The following DHRSX variants were observed in gnomAD, a reference collection of about 807,000 sequenced individuals.
The protein encoded by DHRSX is dehydrogenase/reductase X-linked.
In DHRSX, 31 loss-of-function variants were observed where a neutral mutation model predicts 34.0. The observed-to-expected ratio is 0.91, with a 90% confidence interval of 0.69 to 1.23. The LOEUF (loss-of-function observed/expected upper bound fraction) is 1.23. Among genes scored for constraint, DHRSX ranks in the 50% most tolerant of loss-of-function variants. DHRSX has a pLI of 0.00. For missense variants in DHRSX, 414 were observed against 428.1 expected, an observed-to-expected ratio of 0.97 and a Z score of 0.29; for synonymous variants, 201 against 183.8, an observed-to-expected ratio of 1.09 and a Z score of -0.76.
intron 5 of DHRSX, among the ~76,000 whole-genome samples, chrX:2,250,263 G>A (rs1357276906): frequency 7.2e-5 from 11 of 152,064 alleles, no homozygotes; most frequent in African/African-American, 1.7e-4. Context: ...GGGAGGCAGA[G>A]GTGGGCGGAT....
chrX:2,443,256 C>G (rs2044085042), intron 1 of DHRSX, among the ~76,000 whole-genome samples: 1 of 151,952 alleles, frequency 6.6e-6, no homozygotes, highest in South Asian at 2.1e-4. Flanking sequence ...TCCTCTTAAA[C>G]TCCTGGACTC....
rs147812533 is a variant in DHRSX at position 2,470,862 on chromosome X, G to C, written c.109+29955C>G. On this transcript the variant is annotated intron_variant, in intron 1 of 6. Transcript: ENST00000334651. ...TTACATATTCTCACTACAAAAAAAA[G>C]TAGGTGAGGTGATATAGGTTAGAGT... Among the ~76,000 whole-genome samples the C allele has an allele frequency of 2.9e-3, 444 of 151,802 alleles. 3 individuals are homozygous for C. Among genetic ancestry groups the C allele is most frequent in the African/African-American group, 9.4e-3 (387 of 41,268 alleles).
intron 1 of DHRSX, among the ~76,000 whole-genome samples, chrX:2,459,688 A>T (rs2044376185): frequency 1.3e-5 from 2 of 151,798 alleles, no homozygotes; most frequent in Non-Finnish European, 2.9e-5. Flanking sequence ...GCAAAACAAG[A>T]CCCAGTTTTG....
At chrX:2,349,558 G>A (rs2042761428) in intron 3 of DHRSX, among the ~76,000 whole-genome samples, 1 of 150,036 alleles carries the variant, frequency 6.7e-6, no homozygotes, top group African/African-American at 2.5e-5. Context: ...ATGGTGGCAG[G>A]CACCTGTAAT....
intron 1 of DHRSX, chrX:2,489,974 C>T (rs774613520): frequency 6.8e-6 from 11 of 1,613,770 alleles, no homozygotes; most frequent in African/African-American, 5.3e-5. Context: ...ATAGAGCACT[C>T]GCGTGATGGT....
chrX:2,304,626 CCTT>C (rs1251772266), intron 3 of DHRSX, among the ~76,000 whole-genome samples: 20 of 152,212 alleles, frequency 1.3e-4, no homozygotes, highest in African/African-American at 4.6e-4. Context: ...CTCTGTCTCT[CCTT>C]CTCTTGCTAG....
chrX:2,490,827 GC>G, intron 1 of DHRSX: 1 of 1,469,640 alleles, frequency 6.8e-7, no homozygotes, highest in Non-Finnish European at 9.2e-7. Context: ...ACGCACGGGA[GC>G]CCTGCCGGGG....
At chrX:2,470,049 A>G (rs760455615) in intron 1 of DHRSX, among the ~76,000 whole-genome samples, 1 of 151,984 alleles carries the variant, frequency 6.6e-6, no homozygotes, top group African/African-American at 2.4e-5. Context: ...ATAGACACAC[A>G]GTGGAATAGT....
chrX:2,282,574 G>A (rs1020676194), intron 4 of DHRSX, among the ~76,000 whole-genome samples: 1 of 96,456 alleles, frequency 1.0e-5, no homozygotes, highest in African/African-American at 2.9e-5. Context: ...GAGGGAAACA[G>A]AAAGGGAGAG....
chrX:2,252,172 G>A (rs1768500554), intron 5 of DHRSX, among the ~76,000 whole-genome samples: 1 of 152,146 alleles, frequency 6.6e-6, no homozygotes. Context: ...GGGAGGTAGA[G>A]GTTGCAGTGA....
chrX:2,450,219 G>T (rs1320593703), intron 1 of DHRSX, among the ~76,000 whole-genome samples: 3 of 151,988 alleles, frequency 2.0e-5, no homozygotes, highest in African/African-American at 4.8e-5. Context: ...TTTTTGGAAG[G>T]CCCACTTGTC....
chrX:2,408,692 T>C, intron 3 of DHRSX, 53 bp downstream of exon 3: 3 of 1,503,598 alleles, frequency 2.0e-6, no homozygotes, highest in South Asian at 1.2e-5. Context: ...GCAAACGACC[T>C]GTCCCAAGGA....
intron 5 of DHRSX, among the ~76,000 whole-genome samples, chrX:2,264,192 C>T (rs2041405090): frequency 6.6e-6 from 1 of 151,908 alleles, no homozygotes; most frequent in East Asian, 1.9e-4. Flanking sequence ...CAGATGCAGG[C>T]AGCACCATTT....
At chrX:2,314,900 G>A (rs777957949) in intron 3 of DHRSX, among the ~76,000 whole-genome samples, 1 of 152,264 alleles carries the variant, frequency 6.6e-6, no homozygotes, top group South Asian at 2.1e-4. Flanking sequence ...GCTCACGCCT[G>A]CAATCTCAGC....
At chrX:2,363,014 G>A (rs767015562) in intron 3 of DHRSX, among the ~76,000 whole-genome samples, 10 of 107,980 alleles carry the variant, frequency 9.3e-5, no homozygotes, top group East Asian at 2.8e-4. Context: ...ATATCATGCC[G>A]CCATTTTATC....
chrX:2,372,612 GTTT>G (rs71950336), intron 3 of DHRSX, among the ~76,000 whole-genome samples: 8,413 of 144,700 alleles, frequency 0.058, 346 homozygotes, highest in African/African-American at 0.12. Context: ...TTCCTTCTTT[GTTT>G]TTTTTTTTTT....
At chrX:2,294,055 A>C (rs1200038089) in intron 3 of DHRSX, among the ~76,000 whole-genome samples, 1 of 105,688 alleles carries the variant, frequency 9.5e-6, no homozygotes, top group Non-Finnish European at 2.5e-5. Flanking sequence ...AGAAAGATAG[A>C]AGCAGAGAGA....
Position 2,239,601 on chromosome X carries a change from A to T in DHRSX, c.804+3422T>A, listed in dbSNP as rs535003740. Among the ~76,000 whole-genome samples the T allele has an allele frequency of 4.3e-4, 65 of 151,284 alleles. 1 individual carries two copies. Among genetic ancestry groups the T allele is most frequent in the South Asian group, 4.2e-3 (20 of 4,808 alleles). The stretch of plus-strand genomic sequence containing the variant: ...GAAACCCCGTCTCTACTAAAAAAAA[A>T]TAAAAAATAAAAAAAAAATTAGCCA... On this transcript the variant is annotated intron_variant, in intron 6 of 6. Transcript: ENST00000334651.
chrX:2,301,053 C>A (rs990339481), intron 3 of DHRSX, among the ~76,000 whole-genome samples: 1 of 152,202 alleles, frequency 6.6e-6, no homozygotes, highest in African/African-American at 2.4e-5. Context: ...GAAGGTGTCA[C>A]CGTCTGCAGA....
Sources: allele counts gnomAD v4.1 joint callset (sites outside exome capture counted in the v4.1 genomes callset), GRCh38; gene constraint gnomAD v4.1.1; transcripts MANE v1.5; gene names NCBI Gene and HGNC (gene_info 2026-07-23, HGNC 2026-07-21).